Variants in CHD6 observed in about 807,000 individuals in gnomAD.
CHD6 encodes the protein chromodomain helicase DNA binding protein 6, also known as ATP-dependent chromatin remodeler CHD6.
CHD6 carries 50 observed loss-of-function variants against 276.9 expected under a neutral mutation model. That is an observed-to-expected ratio of 0.18 (90% confidence interval 0.14 to 0.23). The LOEUF (loss-of-function observed/expected upper bound fraction) is 0.23. Ranked by LOEUF, CHD6 falls within the 10% of genes least tolerant of loss-of-function variation. The pLI is 1.00. For missense variants in CHD6, 2,564 were observed against 3,365.8 expected, an observed-to-expected ratio of 0.76 and a Z score of 5.89; for synonymous variants, 1,173 against 1,229.3, an observed-to-expected ratio of 0.95 and a Z score of 0.96.
intron 26 of CHD6, among the ~76,000 whole-genome samples, chr20:41,439,699 C>A (rs147868872): frequency 2.0e-5 from 3 of 152,168 alleles, no homozygotes; most frequent in Non-Finnish European, 2.9e-5. Context: ...AATCCTCTGA[C>A]CAGACAAGGG....
chr20:41,556,284 G>A (rs2045234970), intron 1 of CHD6, among the ~76,000 whole-genome samples: 1 of 149,880 alleles, frequency 6.7e-6, no homozygotes, highest in African/African-American at 2.5e-5. Context: ...AGACGGGAGA[G>A]GGAGAGGGAG....
intron 3 of CHD6, among the ~76,000 whole-genome samples, chr20:41,520,242 C>A (rs1426768999): frequency 1.3e-5 from 2 of 152,128 alleles, no homozygotes; most frequent in Non-Finnish European, 1.5e-5. Context: ...ACTAGTTCAA[C>A]CATTGTGGAA....
intron 16 of CHD6, among the ~76,000 whole-genome samples, chr20:41,479,571 AAGAC>A (rs1425863312): frequency 6.6e-6 from 1 of 152,148 alleles, no homozygotes; most frequent in Non-Finnish European, 1.5e-5. Context: ...TCTAATATGA[AAGAC>A]AGATACAAAC....
intron 5 of CHD6, among the ~76,000 whole-genome samples, chr20:41,505,273 T>C (rs1233718981): frequency 6.6e-6 from 1 of 152,202 alleles, no homozygotes; most frequent in Non-Finnish European, 1.5e-5. Context: ...CACGCAACTA[T>C]GAAATTTCAA....
intron 1 of CHD6, chr20:41,614,632 C>T (rs2045918738): frequency 6.6e-6 from 1 of 152,132 alleles, no homozygotes; most frequent in South Asian, 2.1e-4. Flanking sequence ...AAACATTTTT[C>T]TTTGGATTTT....
chr20:41,586,929 A>G (rs1308975846), intron 1 of CHD6, among the ~76,000 whole-genome samples: 3 of 152,228 alleles, frequency 2.0e-5, no homozygotes, highest in Non-Finnish European at 4.4e-5. Flanking sequence ...ATTTCATCAC[A>G]CTGACTCAAT....
At chr20:41,538,190 A>G (rs1351397766) in intron 2 of CHD6, among the ~76,000 whole-genome samples, 3 of 152,148 alleles carry the variant, frequency 2.0e-5, no homozygotes, top group Non-Finnish European at 4.4e-5. Context: ...CTATCTACTA[A>G]GAACACAAAA....
intron 3 of CHD6, among the ~76,000 whole-genome samples, chr20:41,530,523 C>T (rs1218192113): frequency 6.6e-6 from 1 of 152,110 alleles, no homozygotes; most frequent in Non-Finnish European, 1.5e-5. Context: ...GAACAAAAAA[C>T]TAAGGCTTAA....
At chr20:41,554,405 A>C (rs1601135268) in intron 1 of CHD6, among the ~76,000 whole-genome samples, 1 of 139,628 alleles carries the variant, frequency 7.2e-6, no homozygotes, top group Admixed American at 7.2e-5. Flanking sequence ...TTATTTATTT[A>C]TTTTATTGAT....
intron 1 of CHD6, among the ~76,000 whole-genome samples, chr20:41,566,204 AC>A (rs745926899): frequency 7.9e-5 from 12 of 152,256 alleles, no homozygotes; most frequent in Non-Finnish European, 1.6e-4. Context: ...AGGTTGGAGG[AC>A]CTCTACTCTG....
intron 1 of CHD6, among the ~76,000 whole-genome samples, chr20:41,558,760 T>C (rs2045268199): frequency 6.6e-6 from 1 of 152,154 alleles, no homozygotes; most frequent in African/African-American, 2.4e-5. Flanking sequence ...CCAGTTACTC[T>C]TTCCTCATTT....
chr20:41,555,371 C>A lies in CHD6; in HGVS notation c.-23-4011G>T, dbSNP rs1316171483. Among the ~76,000 whole-genome samples the A allele has an allele frequency of 2.0e-5, 3 of 148,992 alleles. No homozygotes were observed. In the East Asian group the frequency reaches 6.1e-4, roughly 30 times the overall value. On this transcript the variant is annotated intron_variant, in intron 1 of 36. Transcript: ENST00000373233. ...CCGGCCGGGCGGGGGGCCGACCCCC[C>A]CACCTCCCTCCCGGACGGGGCGGCT...
At chr20:41,468,075 C>T (rs563689383) in intron 17 of CHD6, among the ~76,000 whole-genome samples, 3 of 149,676 alleles carry the variant, frequency 2.0e-5, no homozygotes, top group Admixed American at 2.0e-4. Flanking sequence ...CTAGACCACT[C>T]TTTCTAAATC....
intron 1 of CHD6, among the ~76,000 whole-genome samples, chr20:41,562,960 G>C (rs938071423): frequency 1.8e-4 from 28 of 152,300 alleles, no homozygotes; most frequent in African/African-American, 6.0e-4. Context: ...GAAGGCACTA[G>C]TACTGTCATC....
chr20:41,571,772 T>C (rs759636832), intron 1 of CHD6, among the ~76,000 whole-genome samples: 9 of 152,160 alleles, frequency 5.9e-5, no homozygotes, highest in Non-Finnish European at 1.3e-4. Flanking sequence ...TTAAAGCTTT[T>C]ACTTTTTGAA....
chr20:41,440,184 C>T, intron 25 of CHD6, 55 bp from the exon 26 acceptor site: 2 of 1,529,648 alleles, frequency 1.3e-6, no homozygotes, highest in Non-Finnish European at 1.8e-6. Context: ...ACAATATTTG[C>T]TTTGGGCACT....
At chr20:41,524,631 T>G (rs2044484176) in intron 3 of CHD6, among the ~76,000 whole-genome samples, 1 of 152,212 alleles carries the variant, frequency 6.6e-6, no homozygotes, top group Non-Finnish European at 1.5e-5. Context: ...GATGCCTCTC[T>G]AACCCCAAAT....
chr20:41,407,224 G>A (rs2046704640), intron 36 of CHD6, among the ~76,000 whole-genome samples: 1 of 152,188 alleles, frequency 6.6e-6, no homozygotes, highest in South Asian at 2.1e-4. Context: ...TTCCACTAGA[G>A]TCTGCAGAGT....
intron 35 of CHD6, among the ~76,000 whole-genome samples, chr20:41,413,034 T>C (rs768459779): frequency 1.5e-4 from 23 of 152,248 alleles, no homozygotes; most frequent in Non-Finnish European, 2.9e-4. Context: ...GAGCTTATGA[T>C]ACTGTGTGGC....
Sources: allele counts gnomAD v4.1 joint callset (sites outside exome capture counted in the v4.1 genomes callset), GRCh38; gene constraint gnomAD v4.1.1; transcripts MANE v1.5; gene names NCBI Gene and HGNC (gene_info 2026-07-23, HGNC 2026-07-21).